The following DYNC2H1 variants were observed in gnomAD, a reference collection of about 807,000 sequenced individuals.
DYNC2H1 encodes the protein cytoplasmic dynein 2 heavy chain 1.
Under a neutral mutation model 570.0 loss-of-function variants are expected in DYNC2H1, and 410 were observed. The ratio of observed to expected loss-of-function variants is 0.72; its 90% CI spans 0.66 to 0.78. DYNC2H1 has a LOEUF of 0.78. Among genes scored for constraint, DYNC2H1 ranks in the 30% least tolerant of loss-of-function variants. The pLI is 0.00. For missense variants in DYNC2H1, 4,865 were observed against 5,046.4 expected (o/e 0.96, Z 1.09); for synonymous variants, 1,688 against 1,677.6 (o/e 1.01, Z -0.15).
chr11:103,181,991 T>A lies in DYNC2H1; in HGVS notation c.6477+105T>A. On this transcript the variant is annotated intron_variant, in intron 40 of 88. Coordinates refer to ENST00000375735, the MANE Select transcript of DYNC2H1 (RefSeq NM_001377.3). This position sits in a 1 kb window ranked among gnomAD's most constrained non-coding sequence, Gnocchi z 5.0. ...GTAGAACTCTGCTGGAATGTGGGTG[T>A]GAGGTGAGAGGTGGATTTTGTCACT... The A allele has an allele frequency of 2.3e-6, 3 of 1,298,088 alleles. No individual in the cohort carries two copies. The highest frequency in any genetic ancestry group is 3.2e-6 in the Non-Finnish European group (3 of 950,356). The allele number at this position is 1,298,088 out of a possible 1,614,324, so 80.4% of individuals were successfully genotyped here.
chr11:103,448,588 A>C (rs532854067), intron 85 of DYNC2H1, among the ~76,000 whole-genome samples: 3 of 152,310 alleles, frequency 2.0e-5, no homozygotes, highest in Admixed American at 2.0e-4. Flanking sequence ...AAGGGAACTC[A>C]ATCCACAGTA....
intron 84 of DYNC2H1, among the ~76,000 whole-genome samples, chr11:103,400,211 A>C (rs1942581550): frequency 6.6e-6 from 1 of 152,214 alleles, no homozygotes; most frequent in Non-Finnish European, 1.5e-5. Context: ...CAACAGAAAG[A>C]ACACGTGTTT....
intron 84 of DYNC2H1, among the ~76,000 whole-genome samples, chr11:103,430,147 A>G (rs1943835952): frequency 6.6e-6 from 1 of 152,156 alleles, no homozygotes; most frequent in Non-Finnish European, 1.5e-5. Context: ...TAGAGAAGGG[A>G]GGAAAATTCC....
rs1457522347 is a variant in DYNC2H1, at chr11:103,200,035, T to C, written c.8089-11T>C. On this transcript the variant is annotated splice_polypyrimidine_tract_variant and intron_variant, in intron 49 of 88. Transcript: ENST00000375735. The stretch of plus-strand genomic sequence containing the variant: ...TTAAAGGGCACTAAAAAATATTTTC[T>C]GATTTTGCAGGTGCTGCAACTTGCA... The C allele has an allele frequency of 6.4e-7, 1 of 1,557,364 alleles. No homozygotes were observed. Among genetic ancestry groups the C allele is most frequent in the South Asian group, 1.2e-5 (1 of 83,902 alleles).
rs186027525 is a variant in DYNC2H1 at position 103,287,400 on chromosome 11, A to T, written c.11023-133A>T. 1.7e-4 allele frequency: 125 copies of T among 717,826 alleles called. 1 individual carries two copies. The East Asian group carries it at 2.8e-3, about 16-fold the overall frequency. 44.5% of individuals were successfully genotyped at this position (717,826 alleles called of 1,614,324 possible). Reference sequence around the variant, plus strand: ...CTATTGTGACAGTTTAAAGCACAGTAAATAATATGGAACAATGATAAGTGT... The same window carrying T: ...CTATTGTGACAGTTTAAAGCACAGTTAATAATATGGAACAATGATAAGTGT... On this transcript the variant is annotated intron_variant, in intron 74 of 88. Transcript: ENST00000375735.
At position 103,286,295 on chromosome 11, in the gene DYNC2H1, A is replaced by G. The variant is rs767126829; in HGVS notation, c.10931A>G (p.Asp3644Gly). The part of the protein sequence containing the change: ...PSLYQTLCFE[D>G]AALWRTYYNN... ...CTTTATCAGACCCTCTGCTTTGAAG[A>G]TGCAGCTCTGTGGCGTACTTATTAT... Residue 3644 changes from aspartate to glycine, a missense_variant, in exon 74 of 89, where the codon GAT becomes GGT. Physicochemically the swap from Asp to Gly is moderately conservative, Grantham distance 94 (BLOSUM62 -1). This residue lies in a region of DYNC2H1 where 2,401 missense variants were observed against 2,454.6 expected (regional missense o/e 0.98). Transcript: ENST00000375735. 4 of 1,613,712 alleles carry G rather than the reference A, an allele frequency of 2.5e-6. No homozygotes were observed. The highest frequency in any genetic ancestry group is 2.5e-6 in the Non-Finnish European group (3 of 1,179,802).
At chr11:103,294,526 T>TATACATGG in intron 75 of DYNC2H1, among the ~76,000 whole-genome samples, 1 of 152,106 alleles carries the variant, frequency 6.6e-6, no homozygotes, top group Admixed American at 6.6e-5. Flanking sequence ...ATTCTCTGGG[T>TATACATGG]TCCTAGACAA....
rs1226438446 is a variant in DYNC2H1, at chr11:103,461,453, C to T, written c.12648+5097C>T. 6.6e-6 allele frequency among the ~76,000 whole-genome samples: 1 copy of T among 151,960 alleles called. No individual in the cohort carries two copies. Among genetic ancestry groups the T allele is most frequent in the Non-Finnish European group, 1.5e-5 (1 of 68,010 alleles). The stretch of plus-strand genomic sequence containing the variant: ...TTCCTGAACATGGCCCTCTAAAATT[C>T]CTGCCATTATTGATCTATTATGTGT... On this transcript the variant is annotated intron_variant, in intron 87 of 88. Coordinates refer to ENST00000375735, the MANE Select transcript of DYNC2H1 (RefSeq NM_001377.3). This position sits in a 1 kb window ranked among gnomAD's most constrained non-coding sequence, Gnocchi z 4.8.
intron 84 of DYNC2H1, chr11:103,403,358 T>G (rs995450811): frequency 2.6e-5 from 4 of 152,076 alleles, no homozygotes; most frequent in Admixed American, 6.6e-5. Context: ...CTGAATAATG[T>G]AGAATAAAGT....
chr11:103,377,399 T>G (rs1291545394), intron 83 of DYNC2H1, among the ~76,000 whole-genome samples: 1 of 152,046 alleles, frequency 6.6e-6, no homozygotes, highest in African/African-American at 2.4e-5. Context: ...GGTCTGTTTT[T>G]GAAGCACTCA....
chr11:103,320,431 C>T (rs1565492680), intron 80 of DYNC2H1, among the ~76,000 whole-genome samples: 1 of 151,976 alleles, frequency 6.6e-6, no homozygotes, highest in African/African-American at 2.4e-5. Flanking sequence ...ACAAAAAGTT[C>T]CATTGTGGCT....
At chr11:103,425,377 C>T (rs978554182) in intron 84 of DYNC2H1, among the ~76,000 whole-genome samples, 6 of 152,138 alleles carry the variant, frequency 3.9e-5, no homozygotes, top group Admixed American at 6.6e-5. Context: ...ATGACGGCCG[C>T]CTTCCACATT....
At chr11:103,115,823 C>T (rs1246682355) in intron 4 of DYNC2H1, among the ~76,000 whole-genome samples, 2 of 152,062 alleles carry the variant, frequency 1.3e-5, no homozygotes, top group Non-Finnish European at 2.9e-5. Context: ...CCCAAAATTA[C>T]TTTTCTGCAG....
intron 12 of DYNC2H1, among the ~76,000 whole-genome samples, chr11:103,126,232 C>A (rs1858991070): frequency 6.6e-6 from 1 of 152,140 alleles, no homozygotes; most frequent in East Asian, 1.9e-4. Flanking sequence ...ATTTCTTAGC[C>A]TCTTTACTTT....
In DYNC2H1 at chr11:103,286,249, T is replaced by G. The variant is rs1267973373; in HGVS notation, c.10891-6T>G. 1.5e-5 allele frequency: 24 copies of G among 1,612,554 alleles called. No individual in the cohort carries two copies. The highest frequency in any genetic ancestry group is 1.7e-5 in the Non-Finnish European group (20 of 1,179,568). On this transcript the variant is annotated splice_region_variant and splice_polypyrimidine_tract_variant and intron_variant, in intron 73 of 88. Coordinates refer to ENST00000375735, the MANE Select transcript of DYNC2H1 (RefSeq NM_001377.3). ...CTCACTGTATATGGCCATTTTTATT[T>G]TTTAGATTGCTCTCCCCAGTCTTTA...
intron 17 of DYNC2H1, among the ~76,000 whole-genome samples, chr11:103,138,336 C>T (rs1453712226): frequency 6.6e-6 from 1 of 151,940 alleles, no homozygotes; most frequent in Non-Finnish European, 1.5e-5. Context: ...CCAGTTTTTG[C>T]CCATTCAGTA....
intron 84 of DYNC2H1, among the ~76,000 whole-genome samples, chr11:103,433,467 G>T (rs1943964348): frequency 6.6e-6 from 1 of 151,976 alleles, no homozygotes; most frequent in Admixed American, 6.6e-5. Flanking sequence ...AGTTTTTGTG[G>T]GTCTAGAATC....
intron 85 of DYNC2H1, among the ~76,000 whole-genome samples, chr11:103,442,048 A>G (rs1400544201): frequency 6.6e-6 from 1 of 152,148 alleles, no homozygotes; most frequent in East Asian, 1.9e-4. Context: ...GAAAAAGTCT[A>G]TATGTGGCTT....
intron 50 of DYNC2H1, among the ~76,000 whole-genome samples, chr11:103,202,212 A>T (rs1227852318): frequency 2.6e-5 from 4 of 151,966 alleles, no homozygotes; most frequent in Non-Finnish European, 5.9e-5. Context: ...TTTGATATTT[A>T]AGGAATACAT....
Sources: gnomAD v4.1 joint callset for allele counts (sites outside exome capture counted in the v4.1 genomes callset) on GRCh38, gnomAD v4.1.1 for gene constraint, gnomAD v4.1.1 regional missense constraint, Gnocchi (gnomAD v3.1) non-coding constraint, MANE v1.5 for transcripts, NCBI Gene and HGNC (gene_info 2026-07-23, HGNC 2026-07-21) for gene names.